Variants in OR52A5 observed in about 807,000 individuals in gnomAD.
OR52A5 encodes olfactory receptor 52A5.
A neutral mutation model predicts 18.2 loss-of-function variants in OR52A5; 16 were observed. That is an observed-to-expected ratio of 0.88 (90% CI 0.60 to 1.34). OR52A5 has a LOEUF of 1.34. OR52A5 is among the 40% of genes most tolerant of loss of function. The probability of loss-of-function intolerance (pLI) is 0.00; values close to 1 mark genes in which losing one functional copy is unlikely to be tolerated. For missense variants in OR52A5, 418 were observed against 383.0 expected, an observed-to-expected ratio of 1.09 and a Z score of -0.76; for synonymous variants, 140 against 137.2, an observed-to-expected ratio of 1.02 and a Z score of -0.14.
chr11:5,132,596 A>C lies in OR52A5; in HGVS notation c.47T>G (p.Leu16Arg). 6.2e-7 allele frequency: 1 copy of C among 1,613,550 alleles called. No homozygotes were observed. Among genetic ancestry groups the C allele is most frequent in the Non-Finnish European group, 8.5e-7 (1 of 1,179,730 alleles). ...TGACTCCAGACCAGGAATCCCAATT[A>C]GTATAAACGCAGAGGGCATGAAGAC... ...GSVFMPSAFILIGIPGLESVQ... is the reference protein window; with the variant it reads ...GSVFMPSAFIRIGIPGLESVQ... Residue 16 changes from leucine (L) to arginine (R), a missense_variant, in exon 2 of 2, where the codon CTA (leucine) becomes CGA (arginine). Coordinates refer to ENST00000307388, the MANE Select transcript of OR52A5 (RefSeq NM_001005160.3).
At chr11:5,133,107 C>T (rs750488594) in intron 1 of OR52A5, among the ~76,000 whole-genome samples, 7 of 151,972 alleles carry the variant, frequency 4.6e-5, no homozygotes, top group South Asian at 4.2e-4. Flanking sequence ...CAGTGGCTCA[C>T]GCCTGTAATC....
Position 5,131,860 on chromosome 11 carries a change from AG to A in OR52A5, c.782del (p.Ser261PhefsTer25). The A allele has an allele frequency of 6.2e-7, 1 of 1,614,206 alleles. No individual in the cohort carries two copies. Among genetic ancestry groups the A allele is most frequent in the Non-Finnish European group, 8.5e-7 (1 of 1,180,028 alleles). On this transcript the variant is annotated frameshift_variant, in exon 2 of 2. Transcript: ENST00000307388. LOFTEE classifies it high-confidence loss of function. ...GTGAACCAAACCTGTGTGTGAAGAA[AG>A]AGAAGAAGGCAAGAAGGTAGAACTG... ...FLQFYLLAFF[S>X]FFTHRFGSHI...
Position 5,131,881 on chromosome 11 carries a change from G to T in OR52A5, c.762C>A (p.Phe254Leu). ...AGAAAGAGAAGAAGGCAAGAAGGTAGAACTGTAGGAAGACACAAATGTGGG... is the reference window on the plus strand; with the variant it reads ...AGAAAGAGAAGAAGGCAAGAAGGTATAACTGTAGGAAGACACAAATGTGGG... ...CIAHICVFLQ[F>L]YLLAFFSFFT... Residue 254 changes from phenylalanine to leucine, a missense_variant, in exon 2 of 2, where the codon TTC (phenylalanine) becomes TTA (leucine). Phe to Leu is a conservative substitution (Grantham distance 22). Transcript: ENST00000307388. 6.2e-7 allele frequency: 1 copy of T among 1,614,156 alleles called. No individual in the cohort carries two copies. The highest frequency in any genetic ancestry group is 8.5e-7 in the Non-Finnish European group (1 of 1,180,030).
Position 5,132,388 on chromosome 11 carries a change from G to A in OR52A5, c.255C>T (p.Gly85=). Residue 85 remains glycine (G), a synonymous_variant, in exon 2 of 2, where the codon GGC becomes GGT. Transcript: ENST00000307388. Reference sequence around the variant, plus strand: ...TCTCTGGCAAATGAAACCAGAAGATGCCTAACATTTTGGGAAGAATGCAGG... The same window carrying A: ...TCTCTGGCAAATGAAACCAGAAGATACCTAACATTTTGGGAAGAATGCAGG... The part of the protein sequence containing the change: ...LNTCILPKML[G]IFWFHLPEIS... 1 of 1,614,188 alleles carries A rather than the reference G, an allele frequency of 6.2e-7. No individual in the cohort carries two copies. Among genetic ancestry groups the A allele is most frequent in the African/African-American group, 1.3e-5 (1 of 75,050 alleles).
At position 5,135,043 on chromosome 11, in the gene OR52A5, T is replaced by C. The variant is rs577564582; in HGVS notation, c.-60-2341A>G. Among the ~76,000 whole-genome samples, 121 of 151,918 alleles carry C rather than the reference T, an allele frequency of 8.0e-4. 1 individual carries two copies. The highest frequency in any genetic ancestry group is 2.5e-3 in the African/African-American group (103 of 41,406). ...GCACCCGTCACCATGCCTGGCTAAT[T>C]TTTTGTATTTTTAATAGAGACGGGG... is the stretch of plus-strand genomic sequence containing the variant. On this transcript the variant is annotated intron_variant, in intron 1 of 1. Transcript: ENST00000307388.
rs770324792 is a variant in OR52A5 at position 5,129,484 on chromosome 11, A to G, written c.*2208T>C. 2 of 152,126 alleles carry G rather than the reference A, an allele frequency of 1.3e-5. No individual in the cohort carries two copies. The highest frequency in any genetic ancestry group is 2.9e-5 in the Non-Finnish European group (2 of 68,012). 9.4% of individuals were successfully genotyped at this position (152,126 alleles called of 1,614,324 possible). A position where few individuals can be genotyped will look rare whatever the true frequency, so the allele number is the denominator to read the frequency against. On this transcript the variant is annotated 3_prime_UTR_variant, in exon 2 of 2. Transcript: ENST00000307388. ...CCCTCAAACAATTTATTCTTGGAAT[A>G]AATTTCTCTTTTTAAGATGTTCATT...
rs1209960435 is a variant in OR52A5, at chr11:5,132,166, T to C, written c.477A>G (p.Ile159Met). 2 of 1,614,020 alleles carry C rather than the reference T, an allele frequency of 1.2e-6. No homozygotes were observed. The highest frequency in any genetic ancestry group is 2.2e-5 in the East Asian group (1 of 44,872). The change falls in exon 2 of 2, where the codon ATA becomes ATG. Residue 159 changes from isoleucine (I) to methionine (M), a missense_variant. By Grantham distance (10) the Ile-to-Met change is conservative (BLOSUM62 1). Coordinates refer to ENST00000307388, the MANE Select transcript of OR52A5 (RefSeq NM_001005160.3). ...AGCATTTGATGAGCCCTAAGGAAGG[T>C]ATTATAAGAATGGCAGCCCTGAGTG... ...GVTLRAAILI[I>M]PSLGLIKCCL...
At position 5,132,422 on chromosome 11, in the gene OR52A5, G is replaced by C; in HGVS notation, c.221C>G (p.Ala74Gly). The change falls in exon 2 of 2, where the codon GCA (alanine) becomes GGA (glycine). Residue 74 changes from alanine to glycine, a missense_variant. Transcript: ENST00000307388. ...FLAMLAATDIALNTCILPKML... is the reference protein window; with the variant it reads ...FLAMLAATDIGLNTCILPKML... ...TTTGGGAAGAATGCAGGTGTTAAGT[G>C]CAATGTCTGTGGCTGCCAACATGGC... 1 of 1,614,158 alleles carries C rather than the reference G, an allele frequency of 6.2e-7. No homozygotes were observed. The highest frequency in any genetic ancestry group is 2.2e-5 in the East Asian group (1 of 44,886).
In OR52A5 at chr11:5,138,348, G is replaced by A. The variant is rs1297671442; in HGVS notation, c.-98C>T. The stretch of plus-strand genomic sequence containing the variant: ...TGGACTTATAAGTAGAAGCCATAGA[G>A]GAGAACTCTTTTTTGTTTATGTTTC... On this transcript the variant is annotated 5_prime_UTR_variant, in exon 1 of 2. Transcript: ENST00000307388. 3 of 152,186 alleles carry A rather than the reference G, an allele frequency of 2.0e-5. No homozygotes were observed. Among genetic ancestry groups the A allele is most frequent in the Non-Finnish European group, 4.4e-5 (3 of 68,032 alleles). 9.4% of individuals were successfully genotyped at this position (152,186 alleles called of 1,614,324 possible).
chr11:5,132,816 C>T (rs1846354934), intron 1 of OR52A5, 114 bp from the exon 2 acceptor site: 1 of 469,208 alleles, frequency 2.1e-6, no homozygotes, highest in African/African-American at 2.0e-5. Flanking sequence ...CTCTAATTTT[C>T]TGTCTCCTTT....
At position 5,131,535 on chromosome 11, in the gene OR52A5, C is replaced by T; in HGVS notation, c.*157G>A. 1 of 488,192 alleles carries T rather than the reference C, an allele frequency of 2.0e-6. No homozygotes were observed. The highest frequency in any genetic ancestry group is 3.6e-6 in the Non-Finnish European group (1 of 274,218). 30.2% of individuals were successfully genotyped at this position (488,192 alleles called of 1,614,324 possible). The stretch of plus-strand genomic sequence containing the variant: ...CACAGATAAATGATTCCAAATTTAT[C>T]AAAATATAGATTCAAAGCAAATACT... On this transcript the variant is annotated 3_prime_UTR_variant, in exon 2 of 2. Transcript: ENST00000307388.
In OR52A5 at chr11:5,132,219, AC is replaced by A. The variant is rs867999279; in HGVS notation, c.423del (p.Gln141HisfsTer3). The A allele has an allele frequency of 1.4e-5, 23 of 1,614,098 alleles. No homozygotes were observed. The highest frequency in any genetic ancestry group is 1.9e-5 in the Non-Finnish European group (23 of 1,180,004). ...PLRHATIFSQ[Q>X]FLTHIGLGVT... is the part of the protein sequence containing the mutation. ...ACCCCAAGTCCAATATGAGTTAAGAACTGCTGGGAAAAGATGGTGGCATGTC... is the reference window on the plus strand; with the variant it reads ...ACCCCAAGTCCAATATGAGTTAAGAATGCTGGGAAAAGATGGTGGCATGTC... On this transcript the variant is annotated frameshift_variant, in exon 2 of 2. Transcript: ENST00000307388. LOFTEE classifies it high-confidence loss of function.
Position 5,131,636 on chromosome 11 carries a change from T to C in OR52A5, c.*56A>G, listed in dbSNP as rs570428687. The C allele has an allele frequency of 5.2e-6, 5 of 965,618 alleles. No individual in the cohort carries two copies. In the African/African-American group the frequency reaches 8.2e-5, roughly 16 times the overall value. The allele number at this position is 965,618 out of a possible 1,614,324, so 59.8% of individuals were successfully genotyped here. A position where few individuals can be genotyped will look rare whatever the true frequency, so the allele number is the denominator to read the frequency against. ...GAGAATATTGATCTGTGACTTTCATTATATTTAGGTTTTTACTTAGAACCA... is the reference window on the plus strand; with the variant it reads ...GAGAATATTGATCTGTGACTTTCATCATATTTAGGTTTTTACTTAGAACCA... On this transcript the variant is annotated 3_prime_UTR_variant, in exon 2 of 2. Coordinates refer to ENST00000307388, the MANE Select transcript of OR52A5 (RefSeq NM_001005160.3).
rs762136077 is a variant in OR52A5 at position 5,132,634 on chromosome 11, T to A, written c.9A>T (p.Thr3=). 1 of 1,587,654 alleles carries A rather than the reference T, an allele frequency of 6.3e-7. No homozygotes were observed. Among genetic ancestry groups the A allele is most frequent in the Non-Finnish European group, 8.6e-7 (1 of 1,165,490 alleles). The change falls in exon 2 of 2, where the codon ACA becomes ACT. Residue 3 remains threonine, a synonymous_variant. Coordinates refer to ENST00000307388, the MANE Select transcript of OR52A5 (RefSeq NM_001005160.3). ...AGGGCATGAAGACTGAGCCATTGAATGTCGGCATGATTTGTTCATCAGAAT... is the reference window on the plus strand; with the variant it reads ...AGGGCATGAAGACTGAGCCATTGAAAGTCGGCATGATTTGTTCATCAGAAT... MP[T]FNGSVFMPSA... is the part of the protein sequence containing the mutation.
In OR52A5 at chr11:5,131,807, A is replaced by G; in HGVS notation, c.836T>C (p.Leu279Ser). 3.1e-6 allele frequency: 5 copies of G among 1,614,046 alleles called. No individual in the cohort carries two copies. The highest frequency in any genetic ancestry group is 4.2e-6 in the Non-Finnish European group (5 of 1,179,902). ...TGGGACTAACAGGTAAAGATTTGAC[A>G]AGAGGATATGAATATATGGTGGTAT... is the stretch of plus-strand genomic sequence containing the variant. ...SHIPPYIHIL[L>S]SNLYLLVPPF... Residue 279 changes from leucine (L) to serine (S), a missense_variant, in exon 2 of 2, where the codon TTG (leucine) becomes TCG (serine). By Grantham distance (145) the Leu-to-Ser change is moderately radical (BLOSUM62 -2). Transcript: ENST00000307388.
At position 5,129,856 on chromosome 11, in the gene OR52A5, G is replaced by T. The variant is rs890841441; in HGVS notation, c.*1836C>A. The T allele has an allele frequency of 7.2e-5, 11 of 152,062 alleles. No individual in the cohort carries two copies. The highest frequency in any genetic ancestry group is 2.7e-4 in the African/African-American group (11 of 41,406). 9.4% of individuals were successfully genotyped at this position (152,062 alleles called of 1,614,324 possible). Reference sequence around the variant, plus strand: ...CTCCATGTGGAAATTGCTTCAGCTGGGGTTTCTTTAGCAGAGAACACTGGA... The same window carrying T: ...CTCCATGTGGAAATTGCTTCAGCTGTGGTTTCTTTAGCAGAGAACACTGGA... On this transcript the variant is annotated 3_prime_UTR_variant, in exon 2 of 2. Transcript: ENST00000307388.
intron 1 of OR52A5, among the ~76,000 whole-genome samples, chr11:5,135,373 A>G (rs1564850219): frequency 6.6e-6 from 1 of 152,156 alleles, no homozygotes; most frequent in Non-Finnish European, 1.5e-5. Flanking sequence ...CGTTTATTAT[A>G]TGCTACCTGT....
At chr11:5,136,295 CA>C (rs1168731137) in intron 1 of OR52A5, among the ~76,000 whole-genome samples, 1 of 152,096 alleles carries the variant, frequency 6.6e-6, no homozygotes, top group Admixed American at 6.5e-5. Context: ...TTTCTATTTC[CA>C]CCTCCACTTC....
At chr11:5,134,273 T>C (rs1023243295) in intron 1 of OR52A5, among the ~76,000 whole-genome samples, 12 of 152,324 alleles carry the variant, frequency 7.9e-5, no homozygotes, top group African/African-American at 2.9e-4. Flanking sequence ...AAGATAGTAG[T>C]GGGGGGCCAA....
Sources: gnomAD v4.1 joint callset for allele counts (sites outside exome capture counted in the v4.1 genomes callset) on GRCh38, gnomAD v4.1.1 for gene constraint, MANE v1.5 for transcripts, NCBI Gene and HGNC (gene_info 2026-07-23, HGNC 2026-07-21) for gene names.